Variants in PORCN observed in about 807,000 individuals in gnomAD.
The protein encoded by PORCN is protein-serine O-palmitoleoyltransferase porcupine.
In PORCN, 1 loss-of-function variant was observed where a neutral mutation model predicts 43.0. The observed-to-expected ratio is 0.02, with a 90% CI of 0.01 to 0.11. The LOEUF (loss-of-function observed/expected upper bound fraction) is 0.11. Among genes scored for constraint, PORCN ranks in the 10% least tolerant of loss-of-function variants. The probability of loss-of-function intolerance (pLI) is 1.00; values close to 1 mark genes in which losing one functional copy is unlikely to be tolerated. For synonymous variants in PORCN, 148 were observed against 166.4 expected (o/e 0.89, Z 0.85); for missense variants, 240 against 392.1 (o/e 0.61, Z 3.28).
intron 10 of PORCN, 154 bp from the exon 11 acceptor site, chrX:48,515,560 CGGG>C: frequency 2.0e-6 from 1 of 505,848 alleles, no homozygotes; most frequent in Non-Finnish European, 3.5e-6. Flanking sequence ...CTGGGAAGAT[CGGG>C]AGCTGGGCTT....
chrX:48,516,367 C>T (rs1052780924), intron 13 of PORCN: 3 of 454,656 alleles, frequency 6.6e-6, no homozygotes, highest in Admixed American at 6.1e-5. Flanking sequence ...AGTGAACATC[C>T]GTTGAGTGCC....
Position 48,511,391 on chromosome X carries a change from T to C in PORCN, c.233T>C (p.Leu78Pro). 8.3e-7 allele frequency: 1 copy of C among 1,211,581 alleles called. No individual in the cohort carries two copies. Among genetic ancestry groups the C allele is most frequent in the Non-Finnish European group, 1.1e-6 (1 of 895,184 alleles). The stretch of plus-strand genomic sequence containing the variant: ...CTGCACATGGTTTGGGTCGTGCTGC[T>C]CAGCCTCCTGTGCTACCTCGTGCTG... ...FQLHMVWVVL[L>P]SLLCYLVLFL... The change falls in exon 3 of 15, where the codon CTC becomes CCC. Residue 78 changes from leucine (L) to proline (P), a missense_variant. By Grantham distance (98) the Leu-to-Pro change is moderately conservative. Coordinates refer to ENST00000326194, the MANE Select transcript of PORCN (RefSeq NM_203475.3).
In PORCN at chrX:48,515,763, G is replaced by T; in HGVS notation, c.993G>T (p.Leu331=). 8.3e-7 allele frequency: 1 copy of T among 1,210,472 alleles called. No individual in the cohort carries two copies. The highest frequency in any genetic ancestry group is 1.8e-5 in the South Asian group (1 of 56,925). The change falls in exon 11 of 15, where the codon CTG becomes CTT. Residue 331 remains leucine (L), a synonymous_variant. Coordinates refer to ENST00000326194, the MANE Select transcript of PORCN (RefSeq NM_203475.3). ...GCCTGGGGACCTTCTCGGCTGTGCT[G>T]GTCACCTATGCAGCCAGCGCCCTCC... ...ALRLGTFSAV[L]VTYAASALLH... is the part of the protein sequence containing the mutation.
In PORCN at chrX:48,513,704, G is replaced by C. The variant is rs868918291; in HGVS notation, c.705-423G>C. On this transcript the variant is annotated intron_variant, in intron 7 of 14. Coordinates refer to ENST00000326194, the MANE Select transcript of PORCN (RefSeq NM_203475.3). ...GACCATGTCTGATTACAACTAGTAG[G>C]GGGGGTGTGTGTGTGCACAGCAGGG... 4.4e-5 allele frequency among the ~76,000 whole-genome samples: 5 copies of C among 112,534 alleles called. No individual in the cohort carries two copies. The Middle Eastern group carries it at 0.014, about 316-fold the overall frequency.
In PORCN at chrX:48,517,253, C is replaced by A; in HGVS notation, c.1244C>A (p.Ser415Tyr). The A allele has an allele frequency of 8.5e-7, 1 of 1,169,916 alleles. No individual in the cohort carries two copies. The highest frequency in any genetic ancestry group is 1.8e-5 in the African/African-American group (1 of 56,479). ...ATCTTCCACCTGGCCTACCTGGGCT[C>A]CCTGTTTGATGTCGATGTGGATGAC... ...LAIFHLAYLG[S>Y]LFDVDVDDTT... Residue 415 changes from serine to tyrosine, a missense_variant, in exon 14 of 15, where the codon TCC becomes TAC. Coordinates refer to ENST00000326194, the MANE Select transcript of PORCN (RefSeq NM_203475.3).
Position 48,517,267 on chromosome X carries a change from G to A in PORCN, c.1258G>A (p.Asp420Asn), listed in dbSNP as rs932266351. The A allele has an allele frequency of 2.6e-6, 3 of 1,163,995 alleles. No homozygotes were observed. Among genetic ancestry groups the A allele is most frequent in the Admixed American group, 2.6e-5 (1 of 39,065 alleles). Residue 420 changes from aspartate (D) to asparagine (N), a missense_variant, in exon 14 of 15, where the codon GAT becomes AAT. Asp to Asn is a conservative substitution (Grantham distance 23). Coordinates refer to ENST00000326194, the MANE Select transcript of PORCN (RefSeq NM_203475.3). ...LAYLGSLFDVDVDDTTEEQGY... is the reference protein window; with the variant it reads ...LAYLGSLFDVNVDDTTEEQGY... Reference sequence around the variant, plus strand: ...CTACCTGGGCTCCCTGTTTGATGTCGATGTGGATGACACCACAGAGGAGCA... The same window carrying A: ...CTACCTGGGCTCCCTGTTTGATGTCAATGTGGATGACACCACAGAGGAGCA...
rs782538540 is a variant in PORCN, at chrX:48,511,335, C to T, written c.177C>T (p.Gly59=). 9 of 1,211,465 alleles carry T rather than the reference C, an allele frequency of 7.4e-6. No individual in the cohort carries two copies. The highest frequency in any genetic ancestry group is 8.9e-6 in the Non-Finnish European group (8 of 895,336). Reference sequence around the variant, plus strand: ...TGAAGCATGCAAGCACCGTGGCAGGCGGGTTCTTCAGCCTCTACCACTTCT... The same window carrying T: ...TGAAGCATGCAAGCACCGTGGCAGGTGGGTTCTTCAGCCTCTACCACTTCT... The part of the protein sequence containing the change: ...SYLKHASTVA[G]GFFSLYHFFQ... The change falls in exon 3 of 15, where the codon GGC becomes GGT. Residue 59 remains glycine (G), a synonymous_variant. Coordinates refer to ENST00000326194, the MANE Select transcript of PORCN (RefSeq NM_203475.3).
Position 48,518,517 on chromosome X carries a change from G to A in PORCN, c.1284+1224G>A, listed in dbSNP as rs782729982. 1.2e-4 allele frequency among the ~76,000 whole-genome samples: 13 copies of A among 111,453 alleles called. No homozygotes were observed. In the East Asian group the frequency reaches 1.7e-3, roughly 14 times the overall value. On this transcript the variant is annotated intron_variant, in intron 14 of 14. Coordinates refer to ENST00000326194, the MANE Select transcript of PORCN (RefSeq NM_203475.3). ...ATTACAGGCGTGAGCCACCACGCCC[G>A]GCCAAAAAAATATATATTTTATTTT... is the stretch of plus-strand genomic sequence containing the variant.
At chrX:48,509,986 T>C (rs2061662538) in intron 2 of PORCN, 30 bp downstream of exon 2, 1 of 1,106,808 alleles carries the variant, frequency 9.0e-7, no homozygotes, top group African/African-American at 1.8e-5. Context: ...TGTGCCACCA[T>C]GCCAGGCCAT....
At chrX:48,514,412 G>A (rs1410368579) in intron 9 of PORCN, 47 bp downstream of exon 9, 20 of 1,195,082 alleles carry the variant, frequency 1.7e-5, no homozygotes, top group Non-Finnish European at 2.3e-5. Context: ...CTGCCTAGAG[G>A]AGCTGCAGGG....
chrX:48,512,209 T>G, intron 4 of PORCN, 117 bp from the exon 5 acceptor site: 1 of 858,091 alleles, frequency 1.2e-6, no homozygotes, highest in African/African-American at 2.0e-5. Flanking sequence ...ATCTGTCCCA[T>G]GCCCACCTAT....
At chrX:48,512,901 G>T (rs372285660) in intron 7 of PORCN, 49 bp downstream of exon 7, 3 of 1,197,281 alleles carry the variant, frequency 2.5e-6, no homozygotes, top group Admixed American at 2.2e-5. Context: ...TGACATGAGT[G>T]GGGGCAGAGC....
At chrX:48,510,552 T>C (rs1350494543) in intron 2 of PORCN, among the ~76,000 whole-genome samples, 2 of 111,985 alleles carry the variant, frequency 1.8e-5, no homozygotes, top group African/African-American at 6.5e-5. Flanking sequence ...AAATCTGAGA[T>C]CCGAAGGTTC....
chrX:48,517,067 AT>A (rs1371517926), intron 13 of PORCN, 115 bp from the exon 14 acceptor site: 6 of 551,075 alleles, frequency 1.1e-5, no homozygotes, highest in Non-Finnish European at 1.3e-5. Flanking sequence ...TACCCTGGGC[AT>A]CCTCAGTCCT....
At chrX:48,510,152 C>T (rs1390366028) in intron 2 of PORCN, among the ~76,000 whole-genome samples, 196 bp downstream of exon 2, 2 of 111,017 alleles carry the variant, frequency 1.8e-5, no homozygotes, top group African/African-American at 6.6e-5. Flanking sequence ...ACTATGCCAG[C>T]CACCCCATGC....
rs1481908172 is a variant in PORCN, at chrX:48,520,754, T to G, written c.*278T>G. ...GAGATCCAGGGCCTCCCCGCCTTCC[T>G]TCTTCCTTTTTATATACAATTTGTT... On this transcript the variant is annotated 3_prime_UTR_variant, in exon 15 of 15. Transcript: ENST00000326194. The G allele has an allele frequency of 2.6e-6, 1 of 385,717 alleles. No individual in the cohort carries two copies. The highest frequency in any genetic ancestry group is 4.6e-6 in the Non-Finnish European group (1 of 218,687). The allele number at this position is 385,717 out of a possible 1,213,427, so 31.8% of individuals were successfully genotyped here.
intron 10 of PORCN, among the ~76,000 whole-genome samples, chrX:48,515,160 C>T (rs1556974971): frequency 8.9e-6 from 1 of 112,286 alleles, no homozygotes; most frequent in Admixed American, 9.4e-5. Context: ...GCCCGGAGGG[C>T]CTCATGGGCC....
chrX:48,518,305 CCG>C (rs2061734600), intron 14 of PORCN, among the ~76,000 whole-genome samples: 1 of 110,765 alleles, frequency 9.0e-6, no homozygotes, highest in Non-Finnish European at 1.9e-5. Context: ...ACTGCAACCT[CCG>C]CCTCCTGGGT....
chrX:48,515,675 G>A (rs782053257), intron 10 of PORCN, 42 bp from the exon 11 acceptor site: 1 of 1,103,457 alleles, frequency 9.1e-7, no homozygotes, highest in Non-Finnish European at 1.3e-6. Context: ...AGGGGCTGGG[G>A]GACTTTCAGG....
Sources: gnomAD v4.1 joint callset for allele counts (sites outside exome capture counted in the v4.1 genomes callset) on GRCh38, gnomAD v4.1.1 for gene constraint, MANE v1.5 for transcripts, NCBI Gene and HGNC (gene_info 2026-07-23, HGNC 2026-07-21) for gene names.